The following NCOA2 variants were observed in gnomAD, a reference collection of about 807,000 sequenced individuals.
The protein encoded by NCOA2 is class E basic helix-loop-helix protein 75.
In NCOA2, 21 loss-of-function variants were observed where a neutral mutation model predicts 145.1. The ratio of observed to expected loss-of-function variants is 0.14; its 90% CI spans 0.10 to 0.21. The LOEUF (loss-of-function observed/expected upper bound fraction) is 0.21. Among genes scored for constraint, NCOA2 ranks in the 10% least tolerant of loss-of-function variants. The pLI, the probability that NCOA2 is intolerant of heterozygous loss-of-function variation, is 1.00. For synonymous variants in NCOA2, 619 were observed against 637.5 expected, an observed-to-expected ratio of 0.97 and a Z score of 0.44; for missense variants, 1,472 against 1,837.6, an observed-to-expected ratio of 0.80 and a Z score of 3.64.
chr8:70,110,777 G>A lies in NCOA2; in HGVS notation c.*2855C>T, dbSNP rs1407538553. On this transcript the variant is annotated 3_prime_UTR_variant, in exon 23 of 23. Transcript: ENST00000452400. ...GGGCATTTTAATCTTTGAGTCAAAC[G>A]AATTCATTGTAGTAAAACAGCTCAC... 4.5e-6 allele frequency: 1 copy of A among 224,172 alleles called. No homozygotes were observed. Among genetic ancestry groups the A allele is most frequent in the Non-Finnish European group, 8.9e-6 (1 of 112,492 alleles). The allele number at this position is 224,172 out of a possible 1,614,324, so 13.9% of individuals were successfully genotyped here.
chr8:70,307,220 C>CAAAAAAAAA (rs57161747), intron 1 of NCOA2, among the ~76,000 whole-genome samples: 367 of 70,830 alleles, frequency 5.2e-3, no homozygotes, highest in Middle Eastern at 0.012. Flanking sequence ...CCTACATAAG[C>CAAAAAAAAA]AAAAAAAAAA....
chr8:70,408,726 C>T (rs1317013382), upstream of NCOA2, among the ~76,000 whole-genome samples: 2 of 151,772 alleles, frequency 1.3e-5, no homozygotes, highest in Non-Finnish European at 2.9e-5. Context: ...TCACTGCAGC[C>T]CTGACCTCCC....
chr8:70,413,158 G>C, the NCOA2 span, among the ~76,000 whole-genome samples: 3 of 151,078 alleles, frequency 2.0e-5, no homozygotes, highest in South Asian at 2.1e-4. Context: ...ACCGGTATCT[G>C]AATGCATAAT....
intron 2 of NCOA2, among the ~76,000 whole-genome samples, chr8:70,265,138 G>A (rs1286228537): frequency 2.0e-5 from 3 of 152,194 alleles, no homozygotes; most frequent in Admixed American, 2.0e-4. Flanking sequence ...GTATTTGGAG[G>A]TGAGGTCTTT....
At chr8:70,431,112 A>G in the NCOA2 span, among the ~76,000 whole-genome samples, 1 of 152,152 alleles carries the variant, frequency 6.6e-6, no homozygotes, top group Non-Finnish European at 1.5e-5. Flanking sequence ...TAAAAATTAT[A>G]TATGCAGATA....
At position 70,272,405 on chromosome 8, in the gene NCOA2, C is replaced by T. The variant is rs538508334; in HGVS notation, c.-20+24339G>A. Among the ~76,000 whole-genome samples the T allele has an allele frequency of 1.1e-4, 16 of 152,330 alleles. No individual in the cohort carries two copies. In the East Asian group the frequency reaches 1.9e-3, roughly 18 times the overall value. ...CAGCAGTAACTATCTAACTTATCTA[C>T]GTGTCTCCTCTACTCTTCCCTTAAT... On this transcript the variant is annotated intron_variant, in intron 2 of 22. Transcript: ENST00000452400.
intron 1 of NCOA2, among the ~76,000 whole-genome samples, chr8:70,372,395 G>T (rs1190579457): frequency 6.6e-6 from 1 of 152,082 alleles, no homozygotes; most frequent in Non-Finnish European, 1.5e-5. Flanking sequence ...ATTAGTTGGG[G>T]GTTATGCAAA....
chr8:70,302,868 T>A (rs1403405170), intron 1 of NCOA2, among the ~76,000 whole-genome samples: 1 of 152,064 alleles, frequency 6.6e-6, no homozygotes, highest in Admixed American at 6.5e-5. Context: ...AAAAAATATA[T>A]CAGTTTAAAA....
chr8:70,366,128 A>G (rs1461784073), intron 1 of NCOA2, among the ~76,000 whole-genome samples: 1 of 152,200 alleles, frequency 6.6e-6, no homozygotes, highest in Non-Finnish European at 1.5e-5. Context: ...CTCAAAAGCC[A>G]CAAGACCAAT....
At chr8:70,352,840 T>C (rs1809361166) in intron 1 of NCOA2, among the ~76,000 whole-genome samples, 1 of 152,172 alleles carries the variant, frequency 6.6e-6, no homozygotes, top group African/African-American at 2.4e-5. Context: ...CCAAACATTG[T>C]CCTAAATAAA....
At chr8:70,329,798 A>G (rs1806920709) in intron 1 of NCOA2, among the ~76,000 whole-genome samples, 1 of 152,242 alleles carries the variant, frequency 6.6e-6, no homozygotes, top group African/African-American at 2.4e-5. Flanking sequence ...AACAATGCAC[A>G]GCAAAGAAGC....
intron 1 of NCOA2, among the ~76,000 whole-genome samples, chr8:70,336,607 A>AGAGG: frequency 1.0e-5 from 1 of 95,252 alleles, no homozygotes; most frequent in South Asian, 3.8e-4. Flanking sequence ...AGACAGAGAC[A>AGAGG]GAGAGGGAGA....
Position 70,214,080 on chromosome 8 carries a change from A to G in NCOA2, c.87-5T>C. On this transcript the variant is annotated splice_region_variant and splice_polypyrimidine_tract_variant and intron_variant, in intron 3 of 22. Transcript: ENST00000452400. ...TTTTCAGTGTTCCTTTTGGGGCTTA[A>G]AAGAAGAAACACATTTTTATGATGT... 6.3e-7 allele frequency: 1 copy of G among 1,591,320 alleles called. No individual in the cohort carries two copies. Among genetic ancestry groups the G allele is most frequent in the Non-Finnish European group, 8.5e-7 (1 of 1,174,436 alleles).
the NCOA2 span, among the ~76,000 whole-genome samples, chr8:70,414,773 T>C: frequency 6.6e-6 from 1 of 152,286 alleles, no homozygotes; most frequent in Admixed American, 6.5e-5. Flanking sequence ...ATGAAGATTG[T>C]TTGTGCTTTC....
At chr8:70,199,783 T>C (rs1263000492) in intron 4 of NCOA2, among the ~76,000 whole-genome samples, 1 of 152,206 alleles carries the variant, frequency 6.6e-6, no homozygotes, top group Non-Finnish European at 1.5e-5. Flanking sequence ...ACTCCTCTGT[T>C]AGCTGTAGGC....
chr8:70,136,892 T>C (rs1809794824), intron 15 of NCOA2, among the ~76,000 whole-genome samples: 1 of 152,226 alleles, frequency 6.6e-6, no homozygotes, highest in Non-Finnish European at 1.5e-5. Context: ...AAAATAAAAA[T>C]GTGAGAGTGG....
intron 2 of NCOA2, among the ~76,000 whole-genome samples, chr8:70,292,288 G>C (rs1460320742): frequency 6.6e-6 from 1 of 151,652 alleles, no homozygotes; most frequent in Non-Finnish European, 1.5e-5. Context: ...AAGTAGCTGG[G>C]ACTACAGGCA....
At chr8:70,221,320 C>T (rs970651976) in intron 2 of NCOA2, among the ~76,000 whole-genome samples, 2 of 152,132 alleles carry the variant, frequency 1.3e-5, no homozygotes, top group African/African-American at 4.8e-5. Flanking sequence ...AGAATCCCAC[C>T]TCAACAGCTA....
chr8:70,449,579 C>G, the NCOA2 span, among the ~76,000 whole-genome samples: 1 of 152,186 alleles, frequency 6.6e-6, no homozygotes, highest in Non-Finnish European at 1.5e-5. Flanking sequence ...GAAAAGGAGC[C>G]AGGTGAACCA....
Sources: allele counts gnomAD v4.1 joint callset (sites outside exome capture counted in the v4.1 genomes callset), GRCh38; gene constraint gnomAD v4.1.1; transcripts MANE v1.5; gene names NCBI Gene and HGNC (gene_info 2026-07-23, HGNC 2026-07-21).